Variants in GLIS3 observed in about 807,000 individuals in gnomAD.
GLIS3 encodes GLIS family zinc finger 3.
A neutral mutation model predicts 78.6 loss-of-function variants in GLIS3; 53 were observed. The observed-to-expected ratio is 0.67, with a 90% CI of 0.54 to 0.85. The LOEUF (loss-of-function observed/expected upper bound fraction) is 0.85, where lower values mean the gene tolerates loss of function less well. GLIS3 is among the 40% of genes least tolerant of loss of function. GLIS3 has a pLI of 0.00. For synonymous variants in GLIS3, 684 were observed against 509.9 expected, an observed-to-expected ratio of 1.34 and a Z score of -4.60; for missense variants, 1,703 against 1,231.1, an observed-to-expected ratio of 1.38 and a Z score of -5.74.
At chr9:3,964,815 T>C (rs1271284193) in intron 4 of GLIS3, among the ~76,000 whole-genome samples, 3 of 152,198 alleles carry the variant, frequency 2.0e-5, no homozygotes, top group East Asian at 1.9e-4. Context: ...TGTGAGGTAA[T>C]GCTTTTTAAG....
chr9:3,834,092 C>G (rs1818204977), intron 9 of GLIS3, among the ~76,000 whole-genome samples: 2 of 152,168 alleles, frequency 1.3e-5, no homozygotes, highest in Non-Finnish European at 2.9e-5. Flanking sequence ...CTGTTTTTGC[C>G]TCTAATATCA....
At chr9:4,107,796 A>G (rs1303130609) in intron 4 of GLIS3, among the ~76,000 whole-genome samples, 3 of 151,302 alleles carry the variant, frequency 2.0e-5, no homozygotes, top group African/African-American at 7.3e-5. Flanking sequence ...GAGGAGCCAG[A>G]GACAACAAAC....
the GLIS3 span, among the ~76,000 whole-genome samples, chr9:4,437,494 C>T: frequency 6.6e-6 from 1 of 151,092 alleles, no homozygotes; most frequent in South Asian, 2.1e-4. Context: ...CCTCAATTAC[C>T]TCTAAGAATT....
At chr9:4,365,891 C>T in the GLIS3 span, among the ~76,000 whole-genome samples, 1 of 152,228 alleles carries the variant, frequency 6.6e-6, no homozygotes, top group Non-Finnish European at 1.5e-5. Context: ...GGTCAAGGAG[C>T]TACGAGAATG....
chr9:4,099,347 G>C (rs576043594), intron 4 of GLIS3, among the ~76,000 whole-genome samples: 4 of 152,252 alleles, frequency 2.6e-5, no homozygotes, highest in Admixed American at 2.6e-4. Flanking sequence ...AGTTTCTGGT[G>C]GTTTGCTGGC....
chr9:4,441,005 A>G, the GLIS3 span, among the ~76,000 whole-genome samples: 1 of 151,918 alleles, frequency 6.6e-6, no homozygotes, highest in African/African-American at 2.4e-5. Flanking sequence ...TTGATTTTGT[A>G]TCCTGCAACT....
At chr9:4,226,186 C>G (rs1319676932) in intron 2 of GLIS3, among the ~76,000 whole-genome samples, 1 of 152,124 alleles carries the variant, frequency 6.6e-6, no homozygotes, top group Admixed American at 6.6e-5. Flanking sequence ...ATTGGATACT[C>G]AAATTAATTC....
At chr9:4,076,056 A>C (rs915940750) in intron 4 of GLIS3, among the ~76,000 whole-genome samples, 1 of 152,202 alleles carries the variant, frequency 6.6e-6, no homozygotes, top group Non-Finnish European at 1.5e-5. Flanking sequence ...TGGTGGTTTC[A>C]CAAGGGTACA....
At chr9:4,256,855 A>C (rs1346920089) in intron 2 of GLIS3, among the ~76,000 whole-genome samples, 2 of 152,198 alleles carry the variant, frequency 1.3e-5, no homozygotes, top group Non-Finnish European at 2.9e-5. Context: ...ATATACACCC[A>C]AAGGAAAGGA....
At chr9:4,428,238 G>A in the GLIS3 span, among the ~76,000 whole-genome samples, 1 of 152,032 alleles carries the variant, frequency 6.6e-6, no homozygotes, top group Non-Finnish European at 1.5e-5. Flanking sequence ...CAGCCCTTTG[G>A]GAGGTTGAGG....
At chr9:4,416,226 TGAGTGAGA>T in the GLIS3 span, among the ~76,000 whole-genome samples, 1 of 120,108 alleles carries the variant, frequency 8.3e-6, no homozygotes, top group Non-Finnish European at 1.6e-5. Flanking sequence ...TACTCTGGCC[TGAGTGAGA>T]GAGTGAGACA....
chr9:3,916,761 C>T lies in GLIS3; in HGVS notation c.1983+15599G>A, dbSNP rs1436990548. 2.6e-5 allele frequency among the ~76,000 whole-genome samples: 4 copies of T among 152,178 alleles called. No individual in the cohort carries two copies. The East Asian group carries it at 5.8e-4, about 22-fold the overall frequency. Reference sequence around the variant, plus strand: ...TCACTGGTCCTTAGCCCTGAATGCACATCTCTTTGCATTAATAAAATATTT... The same window carrying T: ...TCACTGGTCCTTAGCCCTGAATGCATATCTCTTTGCATTAATAAAATATTT... On this transcript the variant is annotated intron_variant, in intron 6 of 10. Coordinates refer to ENST00000381971, the MANE Select transcript of GLIS3 (RefSeq NM_001042413.2).
chr9:4,242,123 G>C (rs1236498293), intron 2 of GLIS3, among the ~76,000 whole-genome samples: 5 of 152,164 alleles, frequency 3.3e-5, no homozygotes, highest in African/African-American at 9.7e-5. Flanking sequence ...CCAGGAGTCT[G>C]AGCAATAAGG....
chr9:4,270,392 T>G (rs1826395515), intron 2 of GLIS3, among the ~76,000 whole-genome samples: 1 of 152,164 alleles, frequency 6.6e-6, no homozygotes, highest in Non-Finnish European at 1.5e-5. Flanking sequence ...GTCTCCATGG[T>G]CAGCAATCTG....
intron 7 of GLIS3, among the ~76,000 whole-genome samples, chr9:3,882,308 G>A (rs1010873025): frequency 2.0e-5 from 3 of 152,258 alleles, no homozygotes; most frequent in African/African-American, 4.8e-5. Flanking sequence ...ATTTGTTGAC[G>A]GTTGCGCCAT....
chr9:4,458,914 T>C, the GLIS3 span, among the ~76,000 whole-genome samples: 2 of 152,152 alleles, frequency 1.3e-5, no homozygotes, highest in African/African-American at 4.8e-5. Flanking sequence ...GGGACCACTG[T>C]GCTAGAGCAG....
chr9:4,114,341 G>GTTTCTAT (rs1831460687), intron 4 of GLIS3, among the ~76,000 whole-genome samples: 1 of 152,156 alleles, frequency 6.6e-6, no homozygotes, highest in African/African-American at 2.4e-5. Flanking sequence ...GATATTGTTA[G>GTTTCTAT]GGATGATTAG....
the GLIS3 span, among the ~76,000 whole-genome samples, chr9:4,434,371 T>C: frequency 6.6e-6 from 1 of 152,110 alleles, no homozygotes; most frequent in Non-Finnish European, 1.5e-5. Flanking sequence ...TATGTCCAGG[T>C]CAAAGTGGTA....
Position 4,118,719 on chromosome 9 carries a change from G to T in GLIS3, c.759C>A (p.Ser253Arg), listed in dbSNP as rs368375343. ...QNGLDLGDLL[S>R]LPPGTSMSSN... Reference sequence around the variant, plus strand: ...TGGACATGGATGTCCCGGGAGGAAGGCTAAGGAGATCCCCTAGATCAAGGC... The same window carrying T: ...TGGACATGGATGTCCCGGGAGGAAGTCTAAGGAGATCCCCTAGATCAAGGC... Residue 253 changes from serine to arginine, a missense_variant, in exon 4 of 11, where the codon AGC (serine) becomes AGA (arginine). Transcript: ENST00000381971. This position sits in a 1 kb window ranked among gnomAD's most constrained non-coding sequence, Gnocchi z 4.7. 2 of 1,614,066 alleles carry T rather than the reference G, an allele frequency of 1.2e-6. No homozygotes were observed. Among genetic ancestry groups the T allele is most frequent in the Admixed American group, 1.7e-5 (1 of 60,018 alleles).
Sources: gnomAD v4.1 joint callset for allele counts (sites outside exome capture counted in the v4.1 genomes callset) on GRCh38, gnomAD v4.1.1 for gene constraint, Gnocchi (gnomAD v3.1) non-coding constraint, MANE v1.5 for transcripts, NCBI Gene and HGNC (gene_info 2026-07-23, HGNC 2026-07-21) for gene names.